Variants in CSAD observed in about 807,000 individuals in gnomAD.
CSAD encodes the protein cysteine sulfinic acid decarboxylase.
Under a neutral mutation model 61.5 loss-of-function variants are expected in CSAD, and 47 were observed. The observed-to-expected ratio is 0.76, with a 90% confidence interval of 0.60 to 0.97. CSAD has a LOEUF of 0.97. Ranked by LOEUF, CSAD falls within the 50% of genes least tolerant of loss-of-function variation. The pLI is 0.00. For synonymous variants in CSAD, 245 were observed against 252.7 expected, an observed-to-expected ratio of 0.97 and a Z score of 0.29; for missense variants, 611 against 643.6, an observed-to-expected ratio of 0.95 and a Z score of 0.55.
Position 53,173,293 on chromosome 12 carries a change from G to T in CSAD, c.126+52C>A, listed in dbSNP as rs1189004410. On this transcript the variant is annotated intron_variant, in intron 4 of 16. Coordinates refer to ENST00000444623, the MANE Select transcript of CSAD (RefSeq NM_001244705.2). ...AGAAAAGAAAGGAAAAAAGAAAAGA[G>T]AAAAGAAAAGAAAGAAAGCTTGATG... 1.0e-5 allele frequency: 15 copies of T among 1,505,130 alleles called. No homozygotes were observed. In the Admixed American group the frequency reaches 1.3e-4, roughly 13 times the overall value. 93.2% of individuals were successfully genotyped at this position (1,505,130 alleles called of 1,614,324 possible).
chr12:53,180,684 G>T lies in CSAD; in HGVS notation c.-91+48C>A, dbSNP rs759725970. On this transcript the variant is annotated intron_variant, in intron 1 of 16. Coordinates refer to ENST00000444623, the MANE Select transcript of CSAD (RefSeq NM_001244705.2). ...TCGGCGGAGAGGACGAGGGGGAGGGGGAAGTGCTTCCGGGGAAACGGGCCG... is the reference window on the plus strand; with the variant it reads ...TCGGCGGAGAGGACGAGGGGGAGGGTGAAGTGCTTCCGGGGAAACGGGCCG... 7.1e-6 allele frequency: 9 copies of T among 1,275,122 alleles called. 1 individual carries two copies. In the South Asian group the frequency reaches 1.1e-4, roughly 16 times the overall value. 79.0% of individuals were successfully genotyped at this position (1,275,122 alleles called of 1,614,324 possible).
At chr12:53,172,759 G>T in intron 4 of CSAD, 111 bp from the exon 5 acceptor site, 1 of 1,238,214 alleles carries the variant, frequency 8.1e-7, no homozygotes, top group Non-Finnish European at 1.1e-6. Flanking sequence ...ACAACTTCGG[G>T]ATATTTCCAA....
Position 53,160,155 on chromosome 12 carries a change from C to T in CSAD, c.1131G>A (p.Leu377=), listed in dbSNP as rs1447900054. Residue 377 remains leucine, a synonymous_variant, in exon 14 of 17, where the codon CTG becomes CTA. Transcript: ENST00000444623. ...CAAAGGCCTGGTCGATGCGCCGCTC[C>T]AGCCCTTGATCGCCCTGTGCCTTCC... ...LMWKAQGDQG[L]ERRIDQAFVL... 6.2e-7 allele frequency: 1 copy of T among 1,613,794 alleles called. No homozygotes were observed. The highest frequency in any genetic ancestry group is 1.3e-5 in the African/African-American group (1 of 74,952).
chr12:53,158,096 A>G lies in CSAD; in HGVS notation c.*415T>C, dbSNP rs1938760425. Reference sequence around the variant, plus strand: ...AGTTAGGAGAAAGTTAGTAGGTCAAAGCATATAAACATTGCGCAGGTCACT... The same window carrying G: ...AGTTAGGAGAAAGTTAGTAGGTCAAGGCATATAAACATTGCGCAGGTCACT... On this transcript the variant is annotated 3_prime_UTR_variant, in exon 17 of 17. Transcript: ENST00000444623. 1 of 152,992 alleles carries G rather than the reference A, an allele frequency of 6.5e-6. No individual in the cohort carries two copies. Among genetic ancestry groups the G allele is most frequent in the South Asian group, 2.1e-4 (1 of 4,864 alleles). 9.5% of individuals were successfully genotyped at this position (152,992 alleles called of 1,614,324 possible). A position where few individuals can be genotyped will look rare whatever the true frequency, so the allele number is the denominator to read the frequency against.
At chr12:53,174,300 T>A in intron 2 of CSAD, among the ~76,000 whole-genome samples, 1 of 124,368 alleles carries the variant, frequency 8.0e-6, no homozygotes. Context: ...AGAGCGAGAC[T>A]CCATCTCAAA....
intron 1 of CSAD, 22 bp downstream of exon 1, chr12:53,180,710 G>C (rs1414698972): frequency 7.9e-7 from 1 of 1,269,506 alleles, no homozygotes; most frequent in Admixed American, 2.4e-5. Flanking sequence ...AAACGGGCCG[G>C]GGTTGGTGTT....
At chr12:53,172,726 G>A (rs1217039927) in intron 4 of CSAD, 78 bp from the exon 5 acceptor site, 4 of 1,472,350 alleles carry the variant, frequency 2.7e-6, no homozygotes, top group Non-Finnish European at 3.6e-6. Context: ...ACAGACACGA[G>A]ACACGGCCAA....
At chr12:53,177,509 A>G (rs1325375395) in intron 2 of CSAD, among the ~76,000 whole-genome samples, 1 of 152,216 alleles carries the variant, frequency 6.6e-6, no homozygotes, top group East Asian at 1.9e-4. Context: ...AAAAACAATT[A>G]AAATGGTCAA....
intron 2 of CSAD, 84 bp downstream of exon 2, chr12:53,179,018 T>TA (rs1485050919): frequency 6.6e-6 from 1 of 152,130 alleles, no homozygotes; most frequent in Non-Finnish European, 1.5e-5. Context: ...CACGCCCGGC[T>TA]AATTTTGTAT....
chr12:53,178,793 AT>A (rs1941304908), intron 2 of CSAD, among the ~76,000 whole-genome samples: 2 of 143,818 alleles, frequency 1.4e-5, no homozygotes, highest in African/African-American at 5.9e-5. Flanking sequence ...TCAAAAAAAA[AT>A]AAAAATAAAA....
At position 53,160,777 on chromosome 12, in the gene CSAD, G is replaced by A; in HGVS notation, c.952C>T (p.Leu318Phe). ...AAGLQCSALL[L>F]QDTSNLLKRC... ...GGCAGACCCACCGAGGTATCCTGGAGAAGAAGTGCAGAGCATTGCAGGCCT... is the reference window on the plus strand; with the variant it reads ...GGCAGACCCACCGAGGTATCCTGGAAAAGAAGTGCAGAGCATTGCAGGCCT... The change falls in exon 13 of 17, where the codon CTC becomes TTC. Residue 318 changes from leucine (L) to phenylalanine (F), a missense_variant. Physicochemically the swap from Leu to Phe is conservative, Grantham distance 22. Transcript: ENST00000444623. The A allele has an allele frequency of 6.4e-7, 1 of 1,551,714 alleles. No homozygotes were observed. The highest frequency in any genetic ancestry group is 8.7e-7 in the Non-Finnish European group (1 of 1,146,982).
chr12:53,165,166 G>C (rs964702317), intron 10 of CSAD, among the ~76,000 whole-genome samples: 1 of 152,070 alleles, frequency 6.6e-6, no homozygotes, highest in Non-Finnish European at 1.5e-5. Flanking sequence ...GTAGAGATGT[G>C]TCTCTACCAA....
chr12:53,180,306 CTGGCTCTACT>C, intron 1 of CSAD: 1 of 985,468 alleles, frequency 1.0e-6, no homozygotes, highest in Non-Finnish European at 1.2e-6. Flanking sequence ...ACGAACTACT[CTGGCTCTACT>C]TGGGGCGCCG....
intron 10 of CSAD, among the ~76,000 whole-genome samples, chr12:53,163,717 T>G (rs1939572273): frequency 6.6e-6 from 1 of 152,192 alleles, no homozygotes; most frequent in Admixed American, 6.5e-5. Context: ...ACAATTCCTA[T>G]CAAAATCCCA....
In CSAD at chr12:53,170,515, G is replaced by A. The variant is rs775937658; in HGVS notation, c.568-13C>T. The A allele has an allele frequency of 3.1e-6, 5 of 1,611,544 alleles. No homozygotes were observed. In the Admixed American group the frequency reaches 5.0e-5, roughly 16 times the overall value. The stretch of plus-strand genomic sequence containing the variant: ...TGGAGTAGTGACACTGTGGGGGAAG[G>A]CAGAGGGCAAGTTAGCACAACTTGA... On this transcript the variant is annotated splice_polypyrimidine_tract_variant and intron_variant, in intron 8 of 16. Transcript: ENST00000444623.
chr12:53,171,492 T>A (rs1353571683), intron 7 of CSAD, 51 bp from the exon 8 acceptor site: 1 of 1,568,490 alleles, frequency 6.4e-7, no homozygotes, highest in South Asian at 1.1e-5. Context: ...GGGTCAAGAC[T>A]GGAGCTTGCC....
At chr12:53,160,997 A>C (rs988368908) in intron 12 of CSAD, 130 bp downstream of exon 12, 26 of 1,154,932 alleles carry the variant, frequency 2.3e-5, no homozygotes, top group Non-Finnish European at 3.2e-5. Flanking sequence ...TCCCAGCTCC[A>C]ATCAATCCTC....
At chr12:53,162,874 C>T (rs1939453155) in intron 10 of CSAD, among the ~76,000 whole-genome samples, 2 of 151,904 alleles carry the variant, frequency 1.3e-5, no homozygotes, top group Non-Finnish European at 1.5e-5. Flanking sequence ...CTAGCCTGAC[C>T]AACATGGAAC....
chr12:53,172,225 G>C, intron 6 of CSAD, 121 bp downstream of exon 6: 1 of 998,820 alleles, frequency 1.0e-6, no homozygotes, highest in African/African-American at 1.6e-5. Flanking sequence ...ACTCTCTGCC[G>C]ACAGGGATTC....
Sources: allele counts gnomAD v4.1 joint callset (sites outside exome capture counted in the v4.1 genomes callset), GRCh38; gene constraint gnomAD v4.1.1; transcripts MANE v1.5; gene names NCBI Gene and HGNC (gene_info 2026-07-23, HGNC 2026-07-21).